Variants in GALNTL6 observed in about 807,000 individuals in gnomAD.
GALNTL6 encodes the protein polypeptide N-acetylgalactosaminyltransferase-like 6.
GALNTL6 carries 46 observed loss-of-function variants against 73.7 expected under a neutral mutation model. The observed-to-expected ratio is 0.62, with a 90% CI of 0.49 to 0.80. The LOEUF (loss-of-function observed/expected upper bound fraction) is 0.80. Among genes scored for constraint, GALNTL6 ranks in the 30% least tolerant of loss-of-function variants. The pLI, the probability that GALNTL6 is intolerant of heterozygous loss-of-function variation, is 0.00. For synonymous variants in GALNTL6, 259 were observed against 263.7 expected, an observed-to-expected ratio of 0.98 and a Z score of 0.17; for missense variants, 604 against 755.0, an observed-to-expected ratio of 0.80 and a Z score of 2.34.
chr4:172,408,026 C>T (rs1025728636), intron 5 of GALNTL6, among the ~76,000 whole-genome samples: 3 of 151,986 alleles, frequency 2.0e-5, no homozygotes, highest in Non-Finnish European at 2.9e-5. Flanking sequence ...CTTTAGGAAA[C>T]ACTGCCTTTT....
intron 5 of GALNTL6, among the ~76,000 whole-genome samples, chr4:172,682,987 G>A (rs1732713783): frequency 6.6e-6 from 1 of 152,134 alleles, no homozygotes; most frequent in African/African-American, 2.4e-5. Flanking sequence ...GTATGCCTAA[G>A]CCATTCTACT....
At chr4:172,279,299 T>C (rs1026729271) in intron 3 of GALNTL6, among the ~76,000 whole-genome samples, 1 of 151,958 alleles carries the variant, frequency 6.6e-6, no homozygotes, top group African/African-American at 2.4e-5. Flanking sequence ...TGGGAGAAAA[T>C]ATTTCTCAAT....
At chr4:172,100,324 A>T (rs1197120796) in intron 2 of GALNTL6, among the ~76,000 whole-genome samples, 2 of 152,106 alleles carry the variant, frequency 1.3e-5, no homozygotes, top group African/African-American at 2.4e-5. Context: ...AGCTCCAGAG[A>T]GCAGAATTTC....
At chr4:172,169,257 AG>A (rs1375067519) in intron 2 of GALNTL6, among the ~76,000 whole-genome samples, 1 of 152,218 alleles carries the variant, frequency 6.6e-6, no homozygotes, top group African/African-American at 2.4e-5. Flanking sequence ...CGTTAGCTGG[AG>A]GAAGAAGAGG....
intron 5 of GALNTL6, among the ~76,000 whole-genome samples, chr4:172,510,084 G>T (rs1313356022): frequency 1.8e-5 from 1 of 54,830 alleles, no homozygotes; most frequent in Non-Finnish European, 4.2e-5. Flanking sequence ...CATGGGATGT[G>T]TTTCCATTTG....
rs1260234488 is a variant in GALNTL6, at chr4:172,305,415, T to C, written c.248-6199T>C. Among the ~76,000 whole-genome samples, 6 of 152,140 alleles carry C rather than the reference T, an allele frequency of 3.9e-5. 1 individual carries two copies. The South Asian group carries it at 1.0e-3, about 26-fold the overall frequency. ...ATCTCACATACCTTTCATACTAATT[T>C]GAACATAGCAGATGGTACACTAATT... On this transcript the variant is annotated intron_variant, in intron 3 of 12. Transcript: ENST00000506823.
chr4:172,374,844 A>C (rs977104560), intron 5 of GALNTL6, among the ~76,000 whole-genome samples: 6 of 152,178 alleles, frequency 3.9e-5, no homozygotes, highest in African/African-American at 1.4e-4. Context: ...ACATCTCTCC[A>C]AGCGAGGTTG....
At chr4:172,350,025 G>T (rs559374540) in intron 5 of GALNTL6, among the ~76,000 whole-genome samples, 160 of 152,024 alleles carry the variant, frequency 1.1e-3, no homozygotes, top group African/African-American at 3.8e-3. Flanking sequence ...TCTAATTGAG[G>T]TTACTATTTC....
At chr4:172,667,194 C>T (rs1731716396) in intron 5 of GALNTL6, 1 of 152,196 alleles carries the variant, frequency 6.6e-6, no homozygotes, top group Non-Finnish European at 1.5e-5. Flanking sequence ...ATCTGTGTTC[C>T]ATTAGCATTA....
chr4:172,214,543 T>TGCA (rs1321463351), intron 2 of GALNTL6, among the ~76,000 whole-genome samples: 2 of 145,280 alleles, frequency 1.4e-5, no homozygotes, highest in Non-Finnish European at 3.0e-5. Context: ...TGAGACAGAG[T>TGCA]CTCCTCTGTC....
intron 2 of GALNTL6, among the ~76,000 whole-genome samples, chr4:172,025,358 T>C (rs73870131): frequency 0.018 from 2,790 of 152,090 alleles, 70 homozygotes; most frequent in African/African-American, 0.054. Flanking sequence ...TTAACTTCCT[T>C]TGAACTTTTC....
chr4:171,839,376 T>C (rs1735184483), intron 2 of GALNTL6, among the ~76,000 whole-genome samples: 1 of 152,160 alleles, frequency 6.6e-6, no homozygotes, highest in East Asian at 1.9e-4. Flanking sequence ...AGGCAAAATT[T>C]TATAGGACAC....
At chr4:172,110,003 A>C (rs1284552168) in intron 2 of GALNTL6, among the ~76,000 whole-genome samples, 4 of 152,236 alleles carry the variant, frequency 2.6e-5, no homozygotes, top group Non-Finnish European at 5.9e-5. Context: ...ATGAAACTTA[A>C]CAGCTAAAAT....
Position 173,021,497 on chromosome 4 carries a change from G to A in GALNTL6, c.1510G>A (p.Glu504Lys), listed in dbSNP as rs1554011964. 1.2e-6 allele frequency: 2 copies of A among 1,614,004 alleles called. No individual in the cohort carries two copies. Among genetic ancestry groups the A allele is most frequent in the African/African-American group, 1.3e-5 (1 of 74,910 alleles). The change falls in exon 12 of 13, where the codon GAA becomes AAA. Residue 504 changes from glutamate to lysine, a missense_variant. Physicochemically the swap from Glu to Lys is moderately conservative, Grantham distance 56. Coordinates refer to ENST00000506823, the MANE Select transcript of GALNTL6 (RefSeq NM_001034845.3). ...HEQLFTFGWR[E>K]DIRPGEPLHT... ...CTAGCTTTTTACCTTTGGATGGAGA[G>A]AAGATATTCGACCCGGTGAGCCACT...
chr4:172,790,748 G>T (rs1739946700), intron 5 of GALNTL6, among the ~76,000 whole-genome samples: 1 of 151,924 alleles, frequency 6.6e-6, no homozygotes, highest in Non-Finnish European at 1.5e-5. Flanking sequence ...AAAAAAATTA[G>T]CTGGGCATGG....
At chr4:171,849,558 C>T (rs2110857915) in intron 2 of GALNTL6, among the ~76,000 whole-genome samples, 1 of 151,996 alleles carries the variant, frequency 6.6e-6, no homozygotes, top group Admixed American at 6.5e-5. Flanking sequence ...ATCTTGTAAG[C>T]AATTATTAAG....
chr4:171,815,695 C>T (rs1734507639), intron 2 of GALNTL6: 1 of 152,200 alleles, frequency 6.6e-6, no homozygotes, highest in Non-Finnish European at 1.5e-5. Flanking sequence ...CATGAACACT[C>T]TGTACCTTCC....
At chr4:171,957,587 G>A (rs1196546626) in intron 2 of GALNTL6, among the ~76,000 whole-genome samples, 3 of 152,170 alleles carry the variant, frequency 2.0e-5, no homozygotes. Context: ...ACTCTGACCA[G>A]AAAACTGTTG....
chr4:172,577,908 G>A (rs953096262), intron 5 of GALNTL6, among the ~76,000 whole-genome samples: 17 of 152,106 alleles, frequency 1.1e-4, no homozygotes, highest in African/African-American at 3.4e-4. Context: ...ATATGGATAC[G>A]TGAGCTGAGC....
Sources: gnomAD v4.1 joint callset for allele counts (sites outside exome capture counted in the v4.1 genomes callset) on GRCh38, gnomAD v4.1.1 for gene constraint, MANE v1.5 for transcripts, NCBI Gene and HGNC (gene_info 2026-07-23, HGNC 2026-07-21) for gene names.